The following STK24 variants were observed in gnomAD, a reference collection of about 807,000 sequenced individuals.
The protein encoded by STK24 is serine/threonine kinase 24.
Under a neutral mutation model 55.6 loss-of-function variants are expected in STK24, and 21 were observed. The ratio of observed to expected loss-of-function variants is 0.38; its 90% CI spans 0.27 to 0.54. The LOEUF is 0.54. Ranked by LOEUF, STK24 falls within the 20% of genes least tolerant of loss-of-function variation. The pLI is 0.79. For missense variants in STK24, 383 were observed against 538.4 expected (o/e 0.71, Z 2.86); for synonymous variants, 200 against 215.2 (o/e 0.93, Z 0.62).
intron 2 of STK24, among the ~76,000 whole-genome samples, chr13:98,483,511 C>T (rs773945899): frequency 9.2e-5 from 14 of 152,204 alleles, no homozygotes; most frequent in Non-Finnish European, 2.1e-4. Flanking sequence ...CTCCAGGTCT[C>T]ACTGCGCTGA....
At position 98,448,706 on chromosome 13, in the gene STK24, GGCT is replaced by G. The variant is rs1489936339; in HGVS notation, c.*4464_*4466del. ...CTTTCTTTTATTATTTTCACCTATT[GGCT>G]GCTGCATTTTACGAAGTGGACTTCC... is the stretch of plus-strand genomic sequence containing the variant. On this transcript the variant is annotated 3_prime_UTR_variant, in exon 11 of 11. Coordinates refer to ENST00000539966, the MANE Select transcript of STK24 (RefSeq NM_001032296.4). 6.0e-6 allele frequency: 1 copy of G among 166,686 alleles called. No individual in the cohort carries two copies. 10.3% of individuals were successfully genotyped at this position (166,686 alleles called of 1,614,324 possible).
intron 1 of STK24, among the ~76,000 whole-genome samples, chr13:98,555,218 T>C (rs1485436817): frequency 1.3e-5 from 2 of 152,182 alleles, no homozygotes; most frequent in Non-Finnish European, 2.9e-5. Context: ...TTTCCCCTCA[T>C]GTATAACTGG....
In STK24 at chr13:98,450,339, A is replaced by G. The variant is rs2139208680; in HGVS notation, c.*2834T>C. ...CTGTTTTTAAAGGAGGGAAATATAAAAAATGTTTATAAACTGACAGTGTTT... is the reference window on the plus strand; with the variant it reads ...CTGTTTTTAAAGGAGGGAAATATAAGAAATGTTTATAAACTGACAGTGTTT... On this transcript the variant is annotated 3_prime_UTR_variant, in exon 11 of 11. Coordinates refer to ENST00000539966, the MANE Select transcript of STK24 (RefSeq NM_001032296.4). The G allele has an allele frequency of 6.6e-6, 1 of 152,362 alleles. No individual in the cohort carries two copies. The highest frequency in any genetic ancestry group is 1.9e-4 in the East Asian group (1 of 5,186). 9.4% of individuals were successfully genotyped at this position (152,362 alleles called of 1,614,324 possible).
chr13:98,523,585 G>A (rs908172404), intron 1 of STK24, among the ~76,000 whole-genome samples: 2 of 152,130 alleles, frequency 1.3e-5, no homozygotes, highest in African/African-American at 4.8e-5. Flanking sequence ...GTGGAGAGCT[G>A]GCAATCGAAA....
chr13:98,560,587 A>G (rs1897392142), intron 1 of STK24, among the ~76,000 whole-genome samples: 1 of 152,144 alleles, frequency 6.6e-6, no homozygotes, highest in South Asian at 2.1e-4. Context: ...ACAATCAAAA[A>G]CATAATTCTG....
intron 2 of STK24, among the ~76,000 whole-genome samples, chr13:98,492,076 CGTGTGTGTGTGTGTGTGTGTGT>C (rs56956881): frequency 1.3e-5 from 2 of 149,522 alleles, no homozygotes; most frequent in Non-Finnish European, 3.0e-5. Context: ...AGTGCGTGCG[CGTGTGTGTGTGTGTGTGTGTGT>C]GTGTGTGTGT....
chr13:98,472,605 C>A (rs916971388), intron 5 of STK24, among the ~76,000 whole-genome samples: 1 of 152,152 alleles, frequency 6.6e-6, no homozygotes, highest in Non-Finnish European at 1.5e-5. Flanking sequence ...TTGCTCAGTA[C>A]AAATTTGTGA....
chr13:98,474,145 C>T (rs1293787213), intron 5 of STK24, among the ~76,000 whole-genome samples: 1 of 152,048 alleles, frequency 6.6e-6, no homozygotes, highest in African/African-American at 2.4e-5. Context: ...TCCCATCTAA[C>T]AGAGTTCACA....
At chr13:98,562,247 A>G (rs1897442419) in intron 1 of STK24, among the ~76,000 whole-genome samples, 1 of 152,206 alleles carries the variant, frequency 6.6e-6, no homozygotes, top group African/African-American at 2.4e-5. Flanking sequence ...TTTTGCTTTA[A>G]AAATACTTTA....
intron 1 of STK24, among the ~76,000 whole-genome samples, chr13:98,548,597 C>T (rs995506009): frequency 6.6e-6 from 1 of 152,160 alleles, no homozygotes; most frequent in African/African-American, 2.4e-5. Context: ...CACGGTGGCT[C>T]ACACCTGTAA....
chr13:98,571,797 G>C (rs1897746740), intron 1 of STK24, among the ~76,000 whole-genome samples: 1 of 152,138 alleles, frequency 6.6e-6, no homozygotes, highest in African/African-American at 2.4e-5. Context: ...AAGCCACGAA[G>C]CTGAGTGAAT....
rs553945629 is a variant in STK24 at position 98,451,577 on chromosome 13, C to T, written c.*1596G>A. 1 of 152,184 alleles carries T rather than the reference C, an allele frequency of 6.6e-6. No individual in the cohort carries two copies. 9.4% of individuals were successfully genotyped at this position (152,184 alleles called of 1,614,324 possible). The stretch of plus-strand genomic sequence containing the variant: ...ACTCAAGCATCTGTAGCTCAGGGCT[C>T]TGTCCCCTCCCTATAGCTTAGAGGC... On this transcript the variant is annotated 3_prime_UTR_variant, in exon 11 of 11. Transcript: ENST00000539966.
intron 7 of STK24, among the ~76,000 whole-genome samples, chr13:98,462,276 T>G (rs1893740292): frequency 6.6e-6 from 1 of 152,180 alleles, no homozygotes; most frequent in African/African-American, 2.4e-5. Context: ...TGGTGGCTCA[T>G]GCCTGTCATT....
intron 2 of STK24, among the ~76,000 whole-genome samples, chr13:98,514,621 G>A (rs1162850716): frequency 6.6e-6 from 1 of 152,086 alleles, no homozygotes; most frequent in African/African-American, 2.4e-5. Context: ...GAGACAACAG[G>A]GCATGTTTCT....
At chr13:98,529,971 A>G (rs760463696) in intron 1 of STK24, among the ~76,000 whole-genome samples, 8 of 152,186 alleles carry the variant, frequency 5.3e-5, no homozygotes, top group Non-Finnish European at 1.2e-4. Context: ...CCCAGGAAAG[A>G]AGGCTCTACT....
chr13:98,554,144 T>C (rs1337612134), intron 1 of STK24, among the ~76,000 whole-genome samples: 2 of 152,076 alleles, frequency 1.3e-5, no homozygotes, highest in African/African-American at 4.8e-5. Context: ...TGCAGTTTTT[T>C]TTCTTGTCAA....
rs578094562 is a variant in STK24, at chr13:98,529,610, A to G, written c.43-10137T>C. Among the ~76,000 whole-genome samples the G allele has an allele frequency of 1.2e-3, 187 of 152,272 alleles. 2 individuals are homozygous for G. Among genetic ancestry groups the G allele is most frequent in the African/African-American group, 4.2e-3 (176 of 41,554 alleles). On this transcript the variant is annotated intron_variant, in intron 1 of 10. Transcript: ENST00000539966. ...TCATATACAGTATGAGTCCCTTTAT[A>G]GAAAATTCTCAAGGTGACAAAATTT...
chr13:98,520,185 G>A (rs1438145259), intron 1 of STK24, among the ~76,000 whole-genome samples: 1 of 152,208 alleles, frequency 6.6e-6, no homozygotes, highest in African/African-American at 2.4e-5. Context: ...AGAGTCGTGT[G>A]AACAGCTGAG....
chr13:98,521,709 C>A, intron 1 of STK24: 1 of 760,460 alleles, frequency 1.3e-6, no homozygotes, highest in Non-Finnish European at 2.5e-6. Flanking sequence ...CCTTTTTTAG[C>A]TATAATGAAA....
Sources: allele counts gnomAD v4.1 joint callset (sites outside exome capture counted in the v4.1 genomes callset), GRCh38; gene constraint gnomAD v4.1.1; transcripts MANE v1.5; gene names NCBI Gene and HGNC (gene_info 2026-07-23, HGNC 2026-07-21).